ERO1B: variants seen among roughly 807,000 people sequenced by gnomAD.
ERO1B encodes endoplasmic reticulum oxidoreductase 1 beta.
In ERO1B, 49 loss-of-function variants were observed where a neutral mutation model predicts 75.3. The ratio of observed to expected loss-of-function variants is 0.65; its 90% CI spans 0.52 to 0.83. The LOEUF (loss-of-function observed/expected upper bound fraction) is 0.83. ERO1B is among the 40% of genes least tolerant of loss of function. ERO1B has a pLI of 0.00. For synonymous variants in ERO1B, 191 were observed against 192.9 expected (o/e 0.99, Z 0.08); for missense variants, 512 against 560.1 (o/e 0.91, Z 0.87).
At chr1:236,254,848 G>A (rs574028329) in intron 2 of ERO1B, among the ~76,000 whole-genome samples, 15 of 151,968 alleles carry the variant, frequency 9.9e-5, no homozygotes, top group Admixed American at 6.5e-4. Context: ...CCTGACCTCA[G>A]GTGACCCGCC....
At chr1:236,260,468 C>A (rs761754244) in intron 2 of ERO1B, among the ~76,000 whole-genome samples, 4 of 152,106 alleles carry the variant, frequency 2.6e-5, no homozygotes, top group Non-Finnish European at 4.4e-5. Context: ...AGTTCAAGAC[C>A]AGCCTGGACA....
chr1:236,270,726 A>G (rs890399575), intron 1 of ERO1B, among the ~76,000 whole-genome samples: 1 of 152,230 alleles, frequency 6.6e-6, no homozygotes, highest in African/African-American at 2.4e-5. Flanking sequence ...TCTTCCAGGA[A>G]TTATCCTGAA....
intron 6 of ERO1B, among the ~76,000 whole-genome samples, chr1:236,240,794 C>T (rs937072956): frequency 1.3e-5 from 2 of 150,060 alleles, no homozygotes; most frequent in South Asian, 2.1e-4. Flanking sequence ...GACAAGAAAC[C>T]GATACACTCA....
chr1:236,218,687 A>G (rs1749598), intron 15 of ERO1B, 111 bp from the exon 16 acceptor site: 340,326 of 927,118 alleles, frequency 0.37, 66,423 homozygotes, highest in East Asian at 0.85. Context: ...AAAATAAAAA[A>G]CCTCAAACAC....
In ERO1B at chr1:236,220,985, A is replaced by C; in HGVS notation, c.1210-20T>G. The C allele has an allele frequency of 6.8e-7, 1 of 1,466,980 alleles. No individual in the cohort carries two copies. The highest frequency in any genetic ancestry group is 1.5e-5 in the South Asian group (1 of 64,856). The allele number at this position is 1,466,980 out of a possible 1,614,324, so 90.9% of individuals were successfully genotyped here. The stretch of plus-strand genomic sequence containing the variant: ...CTGAGTCTAAAGAAAATAGCAATAA[A>C]CTCATAATTAACTTTAAATAATAAT... On this transcript the variant is annotated intron_variant, in intron 14 of 15. Coordinates refer to ENST00000354619, the MANE Select transcript of ERO1B (RefSeq NM_019891.4).
intron 2 of ERO1B, among the ~76,000 whole-genome samples, chr1:236,260,435 G>A (rs1665268688): frequency 6.6e-6 from 1 of 152,168 alleles, no homozygotes; most frequent in African/African-American, 2.4e-5. Flanking sequence ...TAAGGCAGGT[G>A]GATCACCTGA....
intron 2 of ERO1B, among the ~76,000 whole-genome samples, chr1:236,264,501 T>C (rs1299352183): frequency 1.3e-5 from 2 of 152,136 alleles, no homozygotes; most frequent in East Asian, 3.8e-4. Flanking sequence ...AGGTAAATAA[T>C]GTGTACACAT....
At chr1:236,236,667 T>C (rs1043852096) in intron 6 of ERO1B, among the ~76,000 whole-genome samples, 1 of 152,216 alleles carries the variant, frequency 6.6e-6, no homozygotes, top group African/African-American at 2.4e-5. Flanking sequence ...TAACATCCCC[T>C]TCACCTTATT....
chr1:236,244,807 T>C (rs972438653), intron 5 of ERO1B, among the ~76,000 whole-genome samples: 5 of 152,004 alleles, frequency 3.3e-5, no homozygotes, highest in Non-Finnish European at 5.9e-5. Context: ...TTAGAGGTTA[T>C]CTACTTCAGC....
chr1:236,246,718 C>T (rs1180639746), intron 5 of ERO1B, among the ~76,000 whole-genome samples: 2 of 152,098 alleles, frequency 1.3e-5, no homozygotes, highest in East Asian at 1.9e-4. Context: ...CTCAAAATCA[C>T]GGTTAACTTT....
chr1:236,220,157 TA>T (rs1348976429), intron 15 of ERO1B: 5 of 151,042 alleles, frequency 3.3e-5, no homozygotes, highest in Admixed American at 1.3e-4. Context: ...CTTAGTCCCC[TA>T]TTTTTTTTTT....
At chr1:236,280,738 A>G (rs1319721833) in intron 1 of ERO1B, among the ~76,000 whole-genome samples, 1 of 152,222 alleles carries the variant, frequency 6.6e-6, no homozygotes, top group East Asian at 1.9e-4. Context: ...TTCTTGGATG[A>G]GCACTAATTG....
rs1413844723 is a variant in ERO1B at position 236,216,817 on chromosome 1, T to C, written c.*1699A>G. ...AATTCTTACTAATTTACTAGTTAAA[T>C]TAATTGGATAGTCACTTTTTAGACA... On this transcript the variant is annotated 3_prime_UTR_variant, in exon 16 of 16. Coordinates refer to ENST00000354619, the MANE Select transcript of ERO1B (RefSeq NM_019891.4). The C allele has an allele frequency of 6.6e-6, 1 of 152,086 alleles. No individual in the cohort carries two copies. Among genetic ancestry groups the C allele is most frequent in the East Asian group, 1.9e-4 (1 of 5,194 alleles). 9.4% of individuals were successfully genotyped at this position (152,086 alleles called of 1,614,324 possible). A position where few individuals can be genotyped will look rare whatever the true frequency, so the allele number is the denominator to read the frequency against.
chr1:236,235,881 T>C, intron 7 of ERO1B, 46 bp from the exon 8 acceptor site: 2 of 1,519,496 alleles, frequency 1.3e-6, no homozygotes, highest in Non-Finnish European at 1.8e-6. Context: ...TTTTAACTTT[T>C]ATAGTGTATA....
chr1:236,236,194 T>TG (rs1232410646), intron 7 of ERO1B, 84 bp downstream of exon 7: 1 of 1,558,784 alleles, frequency 6.4e-7, no homozygotes, highest in African/African-American at 1.4e-5. Flanking sequence ...CCCAAAGTGC[T>TG]GGGATTACAG....
chr1:236,221,853 A>G (rs915147319), intron 14 of ERO1B, 71 bp downstream of exon 14: 1 of 1,142,656 alleles, frequency 8.8e-7, no homozygotes, highest in African/African-American at 1.6e-5. Flanking sequence ...GGACATTTTA[A>G]TAAAAAGCTT....
At chr1:236,259,951 A>G (rs886198746) in intron 2 of ERO1B, among the ~76,000 whole-genome samples, 1 of 152,226 alleles carries the variant, frequency 6.6e-6, no homozygotes, top group African/African-American at 2.4e-5. Context: ...GTGCATATGG[A>G]ACATTCTCCA....
At chr1:236,265,833 T>G (rs1430332681) in intron 2 of ERO1B, among the ~76,000 whole-genome samples, 1 of 152,246 alleles carries the variant, frequency 6.6e-6, no homozygotes, top group African/African-American at 2.4e-5. Flanking sequence ...GACCATTTAC[T>G]TGGTATTCTA....
At position 236,234,008 on chromosome 1, in the gene ERO1B, A is replaced by T. The variant is rs151285066; in HGVS notation, c.674-1169T>A. ...GTTCCTATTGCTCAAAACCTGTTAG[A>T]AAATAGTTGTATAAGCCTAGGGGTT... On this transcript the variant is annotated intron_variant, in intron 8 of 15. Coordinates refer to ENST00000354619, the MANE Select transcript of ERO1B (RefSeq NM_019891.4). 3.9e-4 allele frequency among the ~76,000 whole-genome samples: 59 copies of T among 152,344 alleles called. No homozygotes were observed. In the East Asian group the frequency reaches 0.011, roughly 28 times the overall value.
Sources: gnomAD v4.1 joint callset for allele counts (sites outside exome capture counted in the v4.1 genomes callset) on GRCh38, gnomAD v4.1.1 for gene constraint, MANE v1.5 for transcripts, NCBI Gene and HGNC (gene_info 2026-07-23, HGNC 2026-07-21) for gene names.